GIPR: variants seen among roughly 807,000 people sequenced by gnomAD.
The protein encoded by GIPR is GIP-R.
A neutral mutation model predicts 62.2 loss-of-function variants in GIPR; 74 were observed. The observed-to-expected ratio is 1.19, with a 90% CI of 0.99 to 1.44. The LOEUF (loss-of-function observed/expected upper bound fraction) is 1.44, where lower values mean the gene tolerates loss of function less well. GIPR is among the 40% of genes most tolerant of loss of function. GIPR has a pLI of 0.00. For missense variants in GIPR, 664 were observed against 611.8 expected (o/e 1.09, Z -0.90); for synonymous variants, 256 against 262.2 (o/e 0.98, Z 0.23).
chr19:45,670,661 G>A lies in GIPR; in HGVS notation c.99G>A (p.Gly33=). ...CAGGCTCTAAGGGGCAGACGGCGGG[G>A]GAGCTGTACCAGCGCTGGGAACGGT... The part of the protein sequence containing the change: ...AETGSKGQTA[G]ELYQRWERYR... Residue 33 remains glycine, a synonymous_variant, in exon 3 of 14, where the codon GGG becomes GGA. Transcript: ENST00000590918. 1.9e-6 allele frequency: 3 copies of A among 1,613,406 alleles called. No individual in the cohort carries two copies. The highest frequency in any genetic ancestry group is 2.5e-6 in the Non-Finnish European group (3 of 1,179,684).
chr19:45,677,389 T>G lies in GIPR; in HGVS notation c.854+6T>G. ...TACCTGTACGAGAACACGCAGTGAG[T>G]TGCAGGGTCTGGGGCGGGGCGTGGG... On this transcript the variant is annotated splice_donor_region_variant and intron_variant, in intron 9 of 13. Transcript: ENST00000590918. The G allele has an allele frequency of 6.4e-7, 1 of 1,568,836 alleles. No individual in the cohort carries two copies. The highest frequency in any genetic ancestry group is 1.1e-5 in the South Asian group (1 of 89,492).
At position 45,681,620 on chromosome 19, in the gene GIPR, T is replaced by C; in HGVS notation, c.1169T>C (p.Val390Ala). ...TCTGGGCAGGGCTTCCTGGTCAGCG[T>C]CCTCTACTGCTTCATCAACAAGGAG... ...LSSFQGFLVSVLYCFINKEVQ... is the reference protein window; with the variant it reads ...LSSFQGFLVSALYCFINKEVQ... The change falls in exon 13 of 14, where the codon GTC (valine) becomes GCC (alanine). Residue 390 changes from valine (V) to alanine (A), a missense_variant. By Grantham distance (64) the Val-to-Ala change is moderately conservative. Transcript: ENST00000590918. The C allele has an allele frequency of 2.5e-6, 4 of 1,613,912 alleles. No homozygotes were observed. Among genetic ancestry groups the C allele is most frequent in the Non-Finnish European group, 3.4e-6 (4 of 1,179,982 alleles).
chr19:45,671,464 C>A, intron 4 of GIPR, 72 bp downstream of exon 4: 1 of 913,556 alleles, frequency 1.1e-6, no homozygotes, highest in Non-Finnish European at 1.8e-6. Context: ...CAGACACCTA[C>A]ATCCGAGTCC....
At position 45,677,020 on chromosome 19, in the gene GIPR, G is replaced by A; in HGVS notation, c.705G>A (p.Leu235=). The A allele has an allele frequency of 6.2e-7, 1 of 1,614,026 alleles. No individual in the cohort carries two copies. The highest frequency in any genetic ancestry group is 8.5e-7 in the Non-Finnish European group (1 of 1,179,932). The change falls in exon 8 of 14, where the codon CTG becomes CTA. Residue 235 remains leucine (L), a synonymous_variant. Coordinates refer to ENST00000590918, the MANE Select transcript of GIPR (RefSeq NM_000164.4). ...YCVGANYTWL[L]VEGVYLHSLL... ...TGGGTGCCAACTACACGTGGCTGCT[G>A]GTGGAGGGCGTCTACCTGCACAGTC...
In GIPR at chr19:45,681,987, C is replaced by A; in HGVS notation, c.*52C>A. 1 of 1,442,532 alleles carries A rather than the reference C, an allele frequency of 6.9e-7. No homozygotes were observed. The highest frequency in any genetic ancestry group is 9.5e-7 in the Non-Finnish European group (1 of 1,048,418). The allele number at this position is 1,442,532 out of a possible 1,614,324, so 89.4% of individuals were successfully genotyped here. On this transcript the variant is annotated 3_prime_UTR_variant, in exon 14 of 14. Transcript: ENST00000590918. ...TTAGCATGGATTTATTGAGTGCCAA[C>A]TGCGTGCCAGGCCCAGTACGGAGGA... is the stretch of plus-strand genomic sequence containing the variant.
At chr19:45,672,410 G>A (rs892142742) in intron 4 of GIPR, among the ~76,000 whole-genome samples, 4 of 151,688 alleles carry the variant, frequency 2.6e-5, no homozygotes. Flanking sequence ...GGGTTCAAGC[G>A]ATTCTCCTGC....
rs757133211 is a variant in GIPR at position 45,670,625 on chromosome 19, C to A, written c.73-10C>A. Reference sequence around the variant, plus strand: ...GGTCTGGGGGGGTCCTCCCTTCTTTCTTTTCCTAGACAGGCTCTAAGGGGC... The same window carrying A: ...GGTCTGGGGGGGTCCTCCCTTCTTTATTTTCCTAGACAGGCTCTAAGGGGC... On this transcript the variant is annotated splice_polypyrimidine_tract_variant and intron_variant, in intron 2 of 13. Coordinates refer to ENST00000590918, the MANE Select transcript of GIPR (RefSeq NM_000164.4). The A allele has an allele frequency of 1.2e-5, 19 of 1,606,002 alleles. No individual in the cohort carries two copies. Among genetic ancestry groups the A allele is most frequent in the Non-Finnish European group, 1.5e-5 (18 of 1,173,788 alleles).
chr19:45,676,416 AAAG>A (rs999005785), intron 7 of GIPR, among the ~76,000 whole-genome samples: 4 of 149,486 alleles, frequency 2.7e-5, no homozygotes, highest in Non-Finnish European at 5.9e-5. Context: ...GAGTCTCAAA[AAAG>A]AAGCTGATTT....
intron 4 of GIPR, among the ~76,000 whole-genome samples, chr19:45,672,454 A>C (rs199742353): frequency 6.6e-6 from 1 of 152,000 alleles, no homozygotes; most frequent in Non-Finnish European, 1.5e-5. Context: ...CTACAGGCGC[A>C]CGCCACCACA....
rs769652113 is a variant in GIPR, at chr19:45,678,007, G to C, written c.1013+13G>C. The C allele has an allele frequency of 1.2e-6, 2 of 1,613,066 alleles. No homozygotes were observed. The highest frequency in any genetic ancestry group is 1.7e-6 in the Non-Finnish European group (2 of 1,180,000). On this transcript the variant is annotated intron_variant, in intron 11 of 13. Transcript: ENST00000590918. ...ATTACCGGCTGAGGTGAGGGCATGC[G>C]TTGGGGACCGAGGGGAAGGGGCCGG... is the stretch of plus-strand genomic sequence containing the variant.
chr19:45,673,419 C>CAAAAAAAAAAAAAAA (rs71175203), intron 5 of GIPR, among the ~76,000 whole-genome samples: 1 of 82,744 alleles, frequency 1.2e-5, no homozygotes. Context: ...GACTCCATCT[C>CAAAAAAAAAAAAAAA]AAAAAAAAAA....
intron 12 of GIPR, among the ~76,000 whole-genome samples, chr19:45,679,310 T>C (rs1396939903): frequency 6.6e-6 from 1 of 151,848 alleles, no homozygotes; most frequent in Non-Finnish European, 1.5e-5. Context: ...TGAAACCCTG[T>C]CTCTACTAAA....
chr19:45,670,520 G>T, intron 2 of GIPR, 115 bp from the exon 3 acceptor site: 1 of 690,320 alleles, frequency 1.4e-6, no homozygotes, highest in South Asian at 1.8e-5. Context: ...CAAGACTCCC[G>T]AACAACACGC....
At chr19:45,669,430 T>G (rs980546516) in intron 1 of GIPR, 47 bp from the exon 2 acceptor site, 1 of 1,515,774 alleles carries the variant, frequency 6.6e-7, no homozygotes. Flanking sequence ...GACGCTGGGG[T>G]TGGAGTAGGA....
At chr19:45,677,661 G>T (rs1160540677) in intron 9 of GIPR, 49 bp from the exon 10 acceptor site, 3 of 1,423,616 alleles carry the variant, frequency 2.1e-6, no homozygotes, top group Admixed American at 1.7e-5. Flanking sequence ...CTTGGTGATC[G>T]GTGAGTCTAG....
At position 45,681,809 on chromosome 19, in the gene GIPR, G is replaced by A; in HGVS notation, c.1275G>A (p.Glu425=). The A allele has an allele frequency of 2.5e-6, 4 of 1,570,382 alleles. No individual in the cohort carries two copies. The highest frequency in any genetic ancestry group is 1.3e-5 in the African/African-American group (1 of 74,120). ...SLGEEQRQLP[E]RAFRALPSGS... ...GCGAGGAGCAACGCCAGCTCCCGGAGCGCGCCTTCCGGGCCCTGCCCTCCG... is the reference window on the plus strand; with the variant it reads ...GCGAGGAGCAACGCCAGCTCCCGGAACGCGCCTTCCGGGCCCTGCCCTCCG... Residue 425 remains glutamate, a synonymous_variant, in exon 14 of 14, where the codon GAG becomes GAA. Transcript: ENST00000590918.
At chr19:45,669,347 C>A in intron 1 of GIPR, 130 bp from the exon 2 acceptor site, 2 of 849,104 alleles carry the variant, frequency 2.4e-6, no homozygotes, top group Non-Finnish European at 3.7e-6. Context: ...GGAGCGGGTG[C>A]GCTGCCTCGG....
rs1975616522 is a variant in GIPR, at chr19:45,672,899, G to T, written c.329G>T (p.Gly110Val). The T allele has an allele frequency of 6.2e-7, 1 of 1,613,444 alleles. No homozygotes were observed. The highest frequency in any genetic ancestry group is 8.5e-7 in the Non-Finnish European group (1 of 1,179,528). ...LRQCGSDGQW[G>V]LWRDHTQCEN... ...CAGTGTGGCAGTGATGGCCAATGGG[G>T]ACTTTGGAGAGACCATACACAATGT... Residue 110 changes from glycine to valine, a missense_variant, in exon 5 of 14, where the codon GGA becomes GTA. By Grantham distance (109) the Gly-to-Val change is moderately radical. Transcript: ENST00000590918.
At chr19:45,679,439 G>A (rs1188927390) in intron 12 of GIPR, among the ~76,000 whole-genome samples, 2 of 144,098 alleles carry the variant, frequency 1.4e-5, no homozygotes, top group African/African-American at 2.5e-5. Flanking sequence ...CCGAGATCAC[G>A]CCACTGCACT....
Sources: allele counts gnomAD v4.1 joint callset (sites outside exome capture counted in the v4.1 genomes callset), GRCh38; gene constraint gnomAD v4.1.1; transcripts MANE v1.5; gene names NCBI Gene and HGNC (gene_info 2026-07-23, HGNC 2026-07-21).